ADGRL3: variants seen among roughly 807,000 people sequenced by gnomAD.
ADGRL3 encodes the protein calcium-independent alpha-latrotoxin receptor 3.
Under a neutral mutation model 153.5 loss-of-function variants are expected in ADGRL3, and 62 were observed. That is an observed-to-expected ratio of 0.40 (90% CI 0.33 to 0.50). The LOEUF (loss-of-function observed/expected upper bound fraction) is 0.50, where lower values mean the gene tolerates loss of function less well. ADGRL3 is among the 20% of genes least tolerant of loss of function. ADGRL3 has a pLI of 0.47. For synonymous variants in ADGRL3, 710 were observed against 672.5 expected (o/e 1.06, Z -0.86); for missense variants, 1,641 against 1,859.4 (o/e 0.88, Z 2.16).
At chr4:61,281,513 A>G (rs1041392244) in intron 1 of ADGRL3, among the ~76,000 whole-genome samples, 1 of 152,160 alleles carries the variant, frequency 6.6e-6, no homozygotes, top group African/African-American at 2.4e-5. Context: ...AAAAATGGCT[A>G]TGGGGACTTT....
chr4:61,297,370 A>G (rs2094443468), intron 1 of ADGRL3, among the ~76,000 whole-genome samples: 2 of 152,112 alleles, frequency 1.3e-5, no homozygotes, highest in South Asian at 4.1e-4. Flanking sequence ...CTCATATAAT[A>G]TATGCTAAAT....
At chr4:61,615,913 A>G (rs2091947776) in intron 5 of ADGRL3, among the ~76,000 whole-genome samples, 1 of 152,132 alleles carries the variant, frequency 6.6e-6, no homozygotes, top group South Asian at 2.1e-4. Context: ...CCTTAGAGAC[A>G]CCTTGAGATA....
At chr4:61,855,270 A>G (rs1436339252) in intron 9 of ADGRL3, among the ~76,000 whole-genome samples, 1 of 152,196 alleles carries the variant, frequency 6.6e-6, no homozygotes, top group African/African-American at 2.4e-5. Context: ...TAAACTAGGA[A>G]CTATCATCTT....
chr4:61,876,943 A>T (rs1170946320), intron 9 of ADGRL3, among the ~76,000 whole-genome samples: 1 of 151,004 alleles, frequency 6.6e-6, no homozygotes, highest in Non-Finnish European at 1.5e-5. Flanking sequence ...AAATATCCAC[A>T]TCATTGAAGA....
intron 2 of ADGRL3, chr4:61,428,178 C>T (rs1258434763): frequency 2.0e-5 from 3 of 152,808 alleles, no homozygotes; most frequent in African/African-American, 7.2e-5. Context: ...TGAAACAACA[C>T]TCGGGGGGCC....
chr4:61,249,032 C>T (rs1758167840), intron 1 of ADGRL3, among the ~76,000 whole-genome samples: 1 of 152,144 alleles, frequency 6.6e-6, no homozygotes, highest in Non-Finnish European at 1.5e-5. Context: ...CTCCATCTAA[C>T]CTTCCTGTTT....
rs1201302308 is a variant in ADGRL3 at position 62,078,000 on chromosome 4, T to C, written c.*7092T>C. The C allele has an allele frequency of 6.6e-6, 1 of 152,008 alleles. No individual in the cohort carries two copies. The highest frequency in any genetic ancestry group is 2.4e-5 in the African/African-American group (1 of 41,444). The allele number at this position is 152,008 out of a possible 1,614,324, so 9.4% of individuals were successfully genotyped here. On this transcript the variant is annotated 3_prime_UTR_variant, in exon 27 of 27. Coordinates refer to ENST00000683033, the MANE Select transcript of ADGRL3 (RefSeq NM_001387552.1). ...GGATAACTTGGAACTTTTTCCATACTGTTTTCCCCCTCACCAAGCATTAAA... is the reference window on the plus strand; with the variant it reads ...GGATAACTTGGAACTTTTTCCATACCGTTTTCCCCCTCACCAAGCATTAAA...
chr4:61,488,467 C>G (rs929202789), intron 2 of ADGRL3, among the ~76,000 whole-genome samples: 10 of 151,788 alleles, frequency 6.6e-5, no homozygotes, highest in Admixed American at 5.9e-4. Flanking sequence ...ATAAGTCTTC[C>G]TTGCTCTGAT....
rs188388234 is a variant in ADGRL3 at position 61,803,044 on chromosome 4, G to T, written c.1400-10765G>T. Among the ~76,000 whole-genome samples, 198 of 152,150 alleles carry T rather than the reference G, an allele frequency of 1.3e-3. 1 individual carries two copies. The highest frequency in any genetic ancestry group is 4.4e-3 in the African/African-American group (184 of 41,522). Reference sequence around the variant, plus strand: ...TTTACATTTTTATTTCTATTCGCTAGTGGTATCAGTGAGAATCTTTAAAAC... The same window carrying T: ...TTTACATTTTTATTTCTATTCGCTATTGGTATCAGTGAGAATCTTTAAAAC... On this transcript the variant is annotated intron_variant, in intron 8 of 26. Coordinates refer to ENST00000683033, the MANE Select transcript of ADGRL3 (RefSeq NM_001387552.1).
In ADGRL3 at chr4:62,070,618, C is replaced by T. The variant is rs1745323798; in HGVS notation, c.4342C>T (p.His1448Tyr). The change falls in exon 27 of 27, where the codon CAT becomes TAT. Residue 1448 changes from histidine (H) to tyrosine (Y), a missense_variant. His to Tyr is a moderately conservative substitution (Grantham distance 83). This residue lies in a region of ADGRL3 where 517 missense variants were observed against 555.0 expected (regional missense o/e 0.93). Transcript: ENST00000683033. ...GCACACAGAAGATCTCCAGTCACCCCATAGAGACTCTCTCTATACCAGCAT... is the reference window on the plus strand; with the variant it reads ...GCACACAGAAGATCTCCAGTCACCCTATAGAGACTCTCTCTATACCAGCAT... Reference protein sequence around the residue: ...NEHTEDLQSPHRDSLYTSMPT... With the variant: ...NEHTEDLQSPYRDSLYTSMPT... The T allele has an allele frequency of 7.1e-6, 11 of 1,551,678 alleles. No individual in the cohort carries two copies. Among genetic ancestry groups the T allele is most frequent in the Non-Finnish European group, 9.6e-6 (11 of 1,147,010 alleles).
chr4:61,364,344 A>T (rs2045362), intron 1 of ADGRL3, among the ~76,000 whole-genome samples: 16,348 of 144,600 alleles, frequency 0.11, 1,007 homozygotes, highest in South Asian at 0.16. Flanking sequence ...AAAAAAAAAA[A>T]AATAATAATA....
intron 4 of ADGRL3, among the ~76,000 whole-genome samples, chr4:61,519,212 C>T (rs1050036023): frequency 6.6e-6 from 1 of 152,138 alleles, no homozygotes; most frequent in Non-Finnish European, 1.5e-5. Context: ...GAACTTTATA[C>T]TGAATTTATT....
At chr4:62,007,383 T>TATATATACACACAC (rs71213024) in intron 21 of ADGRL3, among the ~76,000 whole-genome samples, 1 of 30,782 alleles carries the variant, frequency 3.2e-5, no homozygotes, top group African/African-American at 1.3e-4. Context: ...TATATATATA[T>TATATATACACACAC]ACACACACAC....
intron 25 of ADGRL3, among the ~76,000 whole-genome samples, chr4:62,058,649 C>T (rs1415311914): frequency 6.6e-6 from 1 of 152,070 alleles, no homozygotes; most frequent in Non-Finnish European, 1.5e-5. Flanking sequence ...CAAAATTCAC[C>T]ATCGTATGTA....
At chr4:61,960,075 T>C (rs1220331674) in intron 17 of ADGRL3, among the ~76,000 whole-genome samples, 1 of 152,226 alleles carries the variant, frequency 6.6e-6, no homozygotes, top group Non-Finnish European at 1.5e-5. Context: ...ACGTAAGATT[T>C]TATTACATTA....
chr4:61,883,043 G>A (rs1030409090), intron 9 of ADGRL3, among the ~76,000 whole-genome samples: 4 of 152,158 alleles, frequency 2.6e-5, no homozygotes, highest in Non-Finnish European at 1.5e-5. Flanking sequence ...TTGAACCCAG[G>A]AGGCAGAAGT....
Position 61,201,250 on chromosome 4 carries a change from A to T in ADGRL3, c.-755A>T, listed in dbSNP as rs1199884527. 6.5e-6 allele frequency: 1 copy of T among 153,658 alleles called. No homozygotes were observed. The highest frequency in any genetic ancestry group is 1.5e-5 in the Non-Finnish European group (1 of 68,550). 9.5% of individuals were successfully genotyped at this position (153,658 alleles called of 1,614,324 possible). Reference sequence around the variant, plus strand: ...GTGGAAGATTTTTGGTCTCTTCGGCAGCGTCTTTTCTTAAGCGGCGGCGGC... The same window carrying T: ...GTGGAAGATTTTTGGTCTCTTCGGCTGCGTCTTTTCTTAAGCGGCGGCGGC... On this transcript the variant is annotated 5_prime_UTR_variant, in exon 1 of 27. Transcript: ENST00000683033.
intron 1 of ADGRL3, among the ~76,000 whole-genome samples, chr4:61,358,454 G>A (rs953787406): frequency 2.6e-5 from 4 of 151,926 alleles, no homozygotes; most frequent in African/African-American, 7.2e-5. Flanking sequence ...AAAATTAGCC[G>A]GGCGTGGTGG....
intron 2 of ADGRL3, among the ~76,000 whole-genome samples, chr4:61,422,262 G>T (rs1420405535): frequency 6.6e-6 from 1 of 152,100 alleles, no homozygotes; most frequent in African/African-American, 2.4e-5. Flanking sequence ...CATTTTCAAT[G>T]TATCAACTTC....
Sources: gnomAD v4.1 joint callset for allele counts (sites outside exome capture counted in the v4.1 genomes callset) on GRCh38, gnomAD v4.1.1 for gene constraint, gnomAD v4.1.1 regional missense constraint, MANE v1.5 for transcripts, NCBI Gene and HGNC (gene_info 2026-07-23, HGNC 2026-07-21) for gene names.